Variants in KCP observed in about 807,000 individuals in gnomAD.
KCP encodes the protein kielin cysteine rich BMP regulator.
A neutral mutation model predicts 212.7 loss-of-function variants in KCP; 194 were observed. The ratio of observed to expected loss-of-function variants is 0.91; its 90% CI spans 0.81 to 1.03. KCP has a LOEUF of 1.03. Among genes scored for constraint, KCP ranks in the 50% least tolerant of loss-of-function variants. The pLI is 0.00. For missense variants in KCP, 2,080 were observed against 2,162.5 expected (o/e 0.96, Z 0.76); for synonymous variants, 833 against 865.3 (o/e 0.96, Z 0.65).
intron 31 of KCP, 122 bp downstream of exon 31, chr7:128,881,504 T>G: frequency 1.6e-6 from 1 of 611,678 alleles, no homozygotes; most frequent in Non-Finnish European, 2.7e-6. Context: ...GAATGAACCC[T>G]GCATTCTGTT....
rs1794364258 is a variant in KCP, at chr7:128,894,071, G to A, written c.926-16C>T. 1 of 1,545,236 alleles carries A rather than the reference G, an allele frequency of 6.5e-7. No individual in the cohort carries two copies. The highest frequency in any genetic ancestry group is 8.7e-7 in the Non-Finnish European group (1 of 1,143,190). ...AGGAAACAGCCTGTTGGGAAGGGGG[G>A]CCTTAGATGTTCCTCAGGGGCCCCT... On this transcript the variant is annotated splice_polypyrimidine_tract_variant and intron_variant, in intron 9 of 39. Coordinates refer to ENST00000610776, the MANE Select transcript of KCP (RefSeq NM_001366122.1).
chr7:128,880,184 G>A (rs1025484843), intron 34 of KCP, 99 bp from the exon 35 acceptor site: 16 of 1,359,126 alleles, frequency 1.2e-5, no homozygotes, highest in Middle Eastern at 2.4e-4. Flanking sequence ...AGTCTCCAGG[G>A]ATCTCCAGGA....
At chr7:128,880,175 G>A (rs1425921035) in intron 34 of KCP, 90 bp from the exon 35 acceptor site, 2 of 1,396,728 alleles carry the variant, frequency 1.4e-6, no homozygotes, top group African/African-American at 2.9e-5. Flanking sequence ...TCTCCCAGGA[G>A]TCTCCAGGGA....
rs143066336 is a variant in KCP, at chr7:128,900,866, T to C, written c.831+1911A>G. On this transcript the variant is annotated intron_variant, in intron 8 of 39. Coordinates refer to ENST00000610776, the MANE Select transcript of KCP (RefSeq NM_001366122.1). ...CCCCTTAGGATCAAGGGTTCTCTTA[T>C]AAAAGGGAGAGGGAAAATGTCAGAG... is the stretch of plus-strand genomic sequence containing the variant. 1.6e-4 allele frequency among the ~76,000 whole-genome samples: 25 copies of C among 152,228 alleles called. No individual in the cohort carries two copies. In the East Asian group the frequency reaches 4.8e-3, roughly 29 times the overall value.
intron 4 of KCP, among the ~76,000 whole-genome samples, chr7:128,906,569 G>A (rs966644489): frequency 3.9e-5 from 6 of 152,002 alleles, no homozygotes; most frequent in Admixed American, 1.3e-4. Flanking sequence ...TTAACCCTAG[G>A]AAACCATCTC....
chr7:128,885,782 G>A (rs879567907), intron 26 of KCP, among the ~76,000 whole-genome samples: 26 of 152,128 alleles, frequency 1.7e-4, no homozygotes, highest in Admixed American at 1.6e-3. Context: ...GGGGGCAGTG[G>A]GCAGGCTAAG....
At chr7:128,891,852 G>T in intron 16 of KCP, 33 bp from the exon 17 acceptor site, 1 of 1,411,860 alleles carries the variant, frequency 7.1e-7, no homozygotes. Context: ...AGGTATGAGG[G>T]CAAAGCCTGA....
intron 8 of KCP, among the ~76,000 whole-genome samples, chr7:128,896,495 C>T (rs374908778): frequency 4.7e-4 from 72 of 152,260 alleles, no homozygotes; most frequent in East Asian, 1.5e-3. Flanking sequence ...TCTTTGCTGA[C>T]GGCTATGGGT....
intron 22 of KCP, among the ~76,000 whole-genome samples, chr7:128,888,271 C>T (rs1178556220): frequency 6.6e-6 from 1 of 151,262 alleles, no homozygotes; most frequent in Non-Finnish European, 1.5e-5. Context: ...CACAGACACA[C>T]ATACACTGTC....
Position 128,887,208 on chromosome 7 carries a change from G to A in KCP, c.2598+7C>T. ...AGGTTACCAAGGTCCTAAAGGGGCT[G>A]CCTCACCTGGCAGGTGCAGAGGGAG... On this transcript the variant is annotated splice_region_variant and intron_variant, in intron 23 of 39. Coordinates refer to ENST00000610776, the MANE Select transcript of KCP (RefSeq NM_001366122.1). 1 of 1,551,164 alleles carries A rather than the reference G, an allele frequency of 6.4e-7. No homozygotes were observed. The highest frequency in any genetic ancestry group is 8.7e-7 in the Non-Finnish European group (1 of 1,146,524).
In KCP at chr7:128,885,164, G is replaced by A. The variant is rs1358390413; in HGVS notation, c.2973C>T (p.Arg991=). The change falls in exon 27 of 40, where the codon CGC becomes CGT. Residue 991 remains arginine (R), a synonymous_variant. Coordinates refer to ENST00000610776, the MANE Select transcript of KCP (RefSeq NM_001366122.1). ...GGGCGCAAGAGCTGATGCACTGGAT[G>A]CGTGCACAGGTGACGACGCCCTCGT... ...VCHEGVVTCA[R]IQCISSCAQP... 1.9e-6 allele frequency: 3 copies of A among 1,550,742 alleles called. No homozygotes were observed. Among genetic ancestry groups the A allele is most frequent in the Non-Finnish European group, 2.6e-6 (3 of 1,147,014 alleles).
chr7:128,887,163 G>C (rs541959905), intron 23 of KCP, 52 bp downstream of exon 23: 8 of 1,458,372 alleles, frequency 5.5e-6, no homozygotes, highest in Non-Finnish European at 6.6e-6. Context: ...CCTGGCCAGA[G>C]AGGAGTATCA....
intron 38 of KCP, among the ~76,000 whole-genome samples, chr7:128,878,055 CTTTTTTTTT>C (rs34574520): frequency 7.6e-6 from 1 of 131,770 alleles, no homozygotes; most frequent in African/African-American, 2.8e-5. Context: ...AACAAGCCTT[CTTTTTTTTT>C]TTTTTTTTTG....
intron 8 of KCP, among the ~76,000 whole-genome samples, chr7:128,896,858 T>C (rs1217792538): frequency 8.3e-6 from 1 of 119,950 alleles, no homozygotes; most frequent in African/African-American, 3.3e-5. Context: ...GCCATTTCAC[T>C]CCAGCCTGGC....
chr7:128,879,106 T>C (rs1563017687), intron 37 of KCP: 1 of 345,680 alleles, frequency 2.9e-6, no homozygotes, highest in Non-Finnish European at 5.3e-6. Context: ...ACCCTTATTC[T>C]ACGAATTTAC....
In KCP at chr7:128,886,610, G is replaced by T. The variant is rs757620230; in HGVS notation, c.2772+45C>A. 22 of 1,550,318 alleles carry T rather than the reference G, an allele frequency of 1.4e-5. 1 individual carries two copies. The highest frequency in any genetic ancestry group is 1.2e-4 in the African/African-American group (9 of 73,102). ...GCTGCCTAGGCTGGGGCCCAGAGGTGCTATGGTCCAGCTGTCACTCCACAC... is the reference window on the plus strand; with the variant it reads ...GCTGCCTAGGCTGGGGCCCAGAGGTTCTATGGTCCAGCTGTCACTCCACAC... On this transcript the variant is annotated intron_variant, in intron 25 of 39. Transcript: ENST00000610776.
intron 8 of KCP, among the ~76,000 whole-genome samples, chr7:128,902,520 CCGGT>C (rs1794908338): frequency 6.6e-6 from 1 of 152,158 alleles, no homozygotes; most frequent in South Asian, 2.1e-4. Context: ...CATATCCTGC[CCGGT>C]CTCCTTCTCT....
chr7:128,881,875 G>A (rs1251606251), intron 30 of KCP, 62 bp downstream of exon 30: 1 of 1,489,148 alleles, frequency 6.7e-7, no homozygotes, highest in Non-Finnish European at 9.1e-7. Flanking sequence ...AGGAGTGGCA[G>A]CCACAGCCCA....
rs933426821 is a variant in KCP at position 128,880,076 on chromosome 7, G to A, written c.3769C>T (p.Pro1257Ser). Residue 1257 changes from proline to serine, a missense_variant, in exon 35 of 40, where the codon CCT becomes TCT. Transcript: ENST00000610776. The part of the protein sequence containing the change: ...SPLSCGPDKA[P>S]ALSPGSCCPR... ...CAGCAGCTGCCAGGACTCAGGGCAG[G>A]GGCCTTGTCCTGCACTCAGCCCCAG... The A allele has an allele frequency of 3.9e-6, 6 of 1,541,518 alleles. No homozygotes were observed. The highest frequency in any genetic ancestry group is 5.2e-6 in the Non-Finnish European group (6 of 1,143,778).
Sources: allele counts gnomAD v4.1 joint callset (sites outside exome capture counted in the v4.1 genomes callset), GRCh38; gene constraint gnomAD v4.1.1; transcripts MANE v1.5; gene names NCBI Gene and HGNC (gene_info 2026-07-23, HGNC 2026-07-21).